LAMA1: variants seen among roughly 807,000 people sequenced by gnomAD.
LAMA1 encodes laminin subunit alpha 1.
In LAMA1, 219 loss-of-function variants were observed where a neutral mutation model predicts 348.7. The observed-to-expected ratio is 0.63, with a 90% CI of 0.56 to 0.70. The LOEUF (loss-of-function observed/expected upper bound fraction) is 0.70, where lower values mean the gene tolerates loss of function less well. LAMA1 is among the 30% of genes least tolerant of loss of function. The pLI, the probability that LAMA1 is intolerant of heterozygous loss-of-function variation, is 0.00. For missense variants in LAMA1, 3,744 were observed against 3,888.0 expected (o/e 0.96, Z 0.99); for synonymous variants, 1,487 against 1,491.0 (o/e 1.00, Z 0.06).
At chr18:7,027,947 C>CA (rs1311697019) in intron 16 of LAMA1, among the ~76,000 whole-genome samples, 3 of 151,560 alleles carry the variant, frequency 2.0e-5, no homozygotes, top group African/African-American at 7.2e-5. Context: ...CATCTCAAAA[C>CA]AAAAACAAAA....
chr18:7,109,388 T>C (rs764701124), intron 1 of LAMA1, among the ~76,000 whole-genome samples: 5 of 152,226 alleles, frequency 3.3e-5, no homozygotes, highest in Non-Finnish European at 7.3e-5. Flanking sequence ...TCCCTTCTTT[T>C]TGACACTGGC....
chr18:7,009,152 T>C, intron 27 of LAMA1, 87 bp downstream of exon 27: 1 of 1,383,004 alleles, frequency 7.2e-7, no homozygotes, highest in Non-Finnish European at 1.0e-6. Flanking sequence ...ATAAAAATAG[T>C]AGGTAATGGA....
intron 36 of LAMA1, among the ~76,000 whole-genome samples, chr18:6,988,978 T>TC (rs1018390256): frequency 1.4e-4 from 22 of 152,152 alleles, no homozygotes; most frequent in Admixed American, 1.0e-3. Context: ...TGGGCTGCGT[T>TC]CCCACTGATC....
At chr18:7,079,505 GT>G (rs2143781298) in intron 3 of LAMA1, 2 of 226,584 alleles carry the variant, frequency 8.8e-6, no homozygotes, top group South Asian at 1.4e-4. Context: ...CAGACTACAT[GT>G]GGCAGGGGAG....
chr18:6,950,707 G>A lies in LAMA1; in HGVS notation c.8397+75C>T, dbSNP rs1600341447. On this transcript the variant is annotated intron_variant, in intron 58 of 62. Coordinates refer to ENST00000389658, the MANE Select transcript of LAMA1 (RefSeq NM_005559.4). ...AGATTAATGGGGATAATGTGCCTTTGAGAAATGGAGTGAACCCGAGTGATA... is the reference window on the plus strand; with the variant it reads ...AGATTAATGGGGATAATGTGCCTTTAAGAAATGGAGTGAACCCGAGTGATA... 3 of 1,526,156 alleles carry A rather than the reference G, an allele frequency of 2.0e-6. No homozygotes were observed. In the East Asian group the frequency reaches 6.7e-5, roughly 34 times the overall value. 94.5% of individuals were successfully genotyped at this position (1,526,156 alleles called of 1,614,324 possible).
chr18:7,072,052 T>C (rs777061018), intron 3 of LAMA1, among the ~76,000 whole-genome samples: 9 of 151,640 alleles, frequency 5.9e-5, no homozygotes, highest in Non-Finnish European at 1.5e-5. Context: ...GAAGAGATGA[T>C]GTGTTTCTGC....
intron 1 of LAMA1, among the ~76,000 whole-genome samples, chr18:7,116,073 T>C (rs1362980182): frequency 6.6e-6 from 1 of 152,016 alleles, no homozygotes; most frequent in Non-Finnish European, 1.5e-5. Flanking sequence ...TATGAAACAT[T>C]AAAGGGCTCC....
intron 4 of LAMA1, 61 bp downstream of exon 4, chr18:7,050,633 G>A: frequency 2.5e-6 from 4 of 1,610,800 alleles, no homozygotes; most frequent in Non-Finnish European, 3.4e-6. Context: ...TCAATTTTGA[G>A]TCTGAGACAG....
chr18:6,947,838 T>TA (rs748941084), intron 60 of LAMA1, among the ~76,000 whole-genome samples: 2 of 152,084 alleles, frequency 1.3e-5, no homozygotes. Context: ...AGGCAGTTGT[T>TA]ACCATGCCCA....
At chr18:7,050,245 TCTCATTATA>T (rs2058057183) in intron 4 of LAMA1, among the ~76,000 whole-genome samples, 1 of 152,206 alleles carries the variant, frequency 6.6e-6, no homozygotes, top group African/African-American at 2.4e-5. Context: ...ATGGGCTGTT[TCTCATTATA>T]CTCTGACTTC....
intron 16 of LAMA1, among the ~76,000 whole-genome samples, chr18:7,031,253 G>A (rs951546123): frequency 3.9e-5 from 6 of 152,066 alleles, no homozygotes; most frequent in African/African-American, 1.4e-4. Context: ...CTCCACCTCT[G>A]AGGATCAAAC....
At chr18:7,098,738 C>T (rs1433998513) in intron 1 of LAMA1, among the ~76,000 whole-genome samples, 3 of 144,720 alleles carry the variant, frequency 2.1e-5, no homozygotes, top group Non-Finnish European at 3.1e-5. Flanking sequence ...GCCCCCCGCC[C>T]GGCCAGCCAC....
At chr18:7,056,898 G>A (rs1436184107) in intron 3 of LAMA1, among the ~76,000 whole-genome samples, 1 of 149,894 alleles carries the variant, frequency 6.7e-6, no homozygotes, top group Admixed American at 6.6e-5. Context: ...TTGAGACAGT[G>A]TCTCGCTCTG....
At chr18:7,097,137 G>A (rs2058264559) in intron 1 of LAMA1, among the ~76,000 whole-genome samples, 2 of 152,124 alleles carry the variant, frequency 1.3e-5, no homozygotes, top group African/African-American at 4.8e-5. Flanking sequence ...TCCCAGTAGG[G>A]TGCATGCAAC....
intron 1 of LAMA1, among the ~76,000 whole-genome samples, chr18:7,116,729 G>C (rs2143846040): frequency 6.6e-6 from 1 of 152,322 alleles, no homozygotes; most frequent in South Asian, 2.1e-4. Context: ...ACAGCTCTAG[G>C]GGTGGCGTGG....
chr18:7,017,408 T>C (rs2057894166), intron 19 of LAMA1, 24 bp from the exon 20 acceptor site: 11 of 1,524,944 alleles, frequency 7.2e-6, no homozygotes, highest in Non-Finnish European at 1.0e-5. Context: ...CACAAAGACA[T>C]ATTAACCCTC....
At chr18:7,091,157 C>T (rs1293087585) in intron 1 of LAMA1, among the ~76,000 whole-genome samples, 1 of 152,180 alleles carries the variant, frequency 6.6e-6, no homozygotes, top group Non-Finnish European at 1.5e-5. Flanking sequence ...ATTCATTCAT[C>T]GTGAAGCAGT....
chr18:7,040,268 T>C (rs754171184), intron 9 of LAMA1, 32 bp from the exon 10 acceptor site: 1 of 1,612,736 alleles, frequency 6.2e-7, no homozygotes, highest in South Asian at 1.1e-5. Context: ...TGACCCAACA[T>C]GAAGGCAAAA....
intron 9 of LAMA1, among the ~76,000 whole-genome samples, chr18:7,041,640 G>C (rs2058021079): frequency 6.6e-6 from 1 of 152,210 alleles, no homozygotes; most frequent in African/African-American, 2.4e-5. Flanking sequence ...CCAAGTTAAT[G>C]GGAGGACTTG....
Sources: gnomAD v4.1 joint callset for allele counts (sites outside exome capture counted in the v4.1 genomes callset) on GRCh38, gnomAD v4.1.1 for gene constraint, MANE v1.5 for transcripts, NCBI Gene and HGNC (gene_info 2026-07-23, HGNC 2026-07-21) for gene names.